CRLF3: variants seen among roughly 807,000 people sequenced by gnomAD.
CRLF3 encodes the protein cytokine receptor-like factor 3.
In CRLF3, 33 loss-of-function variants were observed where a neutral mutation model predicts 55.0. That is an observed-to-expected ratio of 0.60 (90% CI 0.46 to 0.80). CRLF3 has a LOEUF of 0.80. Ranked by LOEUF, CRLF3 falls within the 30% of genes least tolerant of loss-of-function variation. The pLI, the probability that CRLF3 is intolerant of heterozygous loss-of-function variation, is 0.00. For synonymous variants in CRLF3, 238 were observed against 196.8 expected (o/e 1.21, Z -1.75); for missense variants, 494 against 538.4 (o/e 0.92, Z 0.82).
chr17:30,813,532 A>G (rs980319923), intron 1 of CRLF3, among the ~76,000 whole-genome samples: 2 of 152,222 alleles, frequency 1.3e-5, no homozygotes, highest in African/African-American at 4.8e-5. Context: ...GTCACCTTGA[A>G]TAACAATAAT....
intron 1 of CRLF3, among the ~76,000 whole-genome samples, chr17:30,815,259 A>T (rs1904759667): frequency 6.6e-6 from 1 of 150,444 alleles, no homozygotes; most frequent in South Asian, 2.1e-4. Context: ...CTAATTTTTG[A>T]ATTTTTAGTA....
chr17:30,822,519 T>C (rs1046923665), intron 1 of CRLF3, among the ~76,000 whole-genome samples: 2 of 152,228 alleles, frequency 1.3e-5, no homozygotes, highest in African/African-American at 2.4e-5. Context: ...GATGTTCATT[T>C]AGTGTTTTCT....
At position 30,793,682 on chromosome 17, in the gene CRLF3, A is replaced by G; in HGVS notation, c.604-10T>C. On this transcript the variant is annotated splice_polypyrimidine_tract_variant and intron_variant, in intron 4 of 7. Coordinates refer to ENST00000324238, the MANE Select transcript of CRLF3 (RefSeq NM_015986.4). Reference sequence around the variant, plus strand: ...TAAAGTCATCATCCACCTAGGGAGAAAAGCTTTATGTTAGGTAAAAAACAG... The same window carrying G: ...TAAAGTCATCATCCACCTAGGGAGAGAAGCTTTATGTTAGGTAAAAAACAG... 1 of 1,590,836 alleles carries G rather than the reference A, an allele frequency of 6.3e-7. No homozygotes were observed. The highest frequency in any genetic ancestry group is 8.6e-7 in the Non-Finnish European group (1 of 1,161,450).
chr17:30,797,529 C>G (rs563472413), intron 2 of CRLF3, 131 bp from the exon 3 acceptor site: 2 of 696,860 alleles, frequency 2.9e-6, no homozygotes, highest in South Asian at 3.3e-5. Flanking sequence ...GTCAAATTCC[C>G]AAAAAGTTAA....
rs771145648 is a variant in CRLF3 at position 30,785,915 on chromosome 17, T to C, written c.1072+4A>G. Reference sequence around the variant, plus strand: ...CAAGAGAATGACAGTTATTTATCTCTTACCATTTGTACTAATGCACACAGC... The same window carrying C: ...CAAGAGAATGACAGTTATTTATCTCCTACCATTTGTACTAATGCACACAGC... On this transcript the variant is annotated splice_donor_region_variant and intron_variant, in intron 7 of 7. Coordinates refer to ENST00000324238, the MANE Select transcript of CRLF3 (RefSeq NM_015986.4). 6.8e-7 allele frequency: 1 copy of C among 1,479,114 alleles called. No homozygotes were observed. Among genetic ancestry groups the C allele is most frequent in the Non-Finnish European group, 9.4e-7 (1 of 1,061,844 alleles). The allele number at this position is 1,479,114 out of a possible 1,614,324, so 91.6% of individuals were successfully genotyped here. A position where few individuals can be genotyped will look rare whatever the true frequency, so the allele number is the denominator to read the frequency against.
At chr17:30,818,400 G>A (rs992719068) in intron 1 of CRLF3, among the ~76,000 whole-genome samples, 2 of 151,596 alleles carry the variant, frequency 1.3e-5, no homozygotes, top group Non-Finnish European at 2.9e-5. Flanking sequence ...TTCAAAATGG[G>A]TAACAGAAGG....
chr17:30,802,974 G>A (rs971293279), intron 2 of CRLF3, among the ~76,000 whole-genome samples: 10 of 151,968 alleles, frequency 6.6e-5, no homozygotes, highest in African/African-American at 1.7e-4. Context: ...AGACCAGCCT[G>A]GGCAACATGG....
rs116823338 is a variant in CRLF3 at position 30,789,278 on chromosome 17, C to T, written c.959+3162G>A. Among the ~76,000 whole-genome samples, 422 of 152,272 alleles carry T rather than the reference C, an allele frequency of 2.8e-3. 1 individual carries two copies. Among genetic ancestry groups the T allele is most frequent in the African/African-American group, 9.8e-3 (408 of 41,562 alleles). On this transcript the variant is annotated intron_variant, in intron 6 of 7. Transcript: ENST00000324238. ...GAGACCTAATGTGTCTTTCACATCA[C>T]GGTCAGCAGAGGTGAATTTAAATCA...
intron 7 of CRLF3, chr17:30,785,169 G>C (rs1487190358): frequency 2.7e-5 from 4 of 146,254 alleles, no homozygotes; most frequent in African/African-American, 7.6e-5. Context: ...TCCGCCTCCC[G>C]GGTTCAAGCG....
intron 1 of CRLF3, among the ~76,000 whole-genome samples, chr17:30,819,422 G>A (rs771648705): frequency 3.1e-4 from 47 of 152,176 alleles, no homozygotes; most frequent in Non-Finnish European, 1.5e-4. Flanking sequence ...GTGCCACTCT[G>A]TGAGGCCTGA....
chr17:30,787,181 A>G (rs1052966737), intron 6 of CRLF3, among the ~76,000 whole-genome samples: 6 of 152,302 alleles, frequency 3.9e-5, no homozygotes, highest in Non-Finnish European at 7.3e-5. Flanking sequence ...GCACACTTCT[A>G]TTTTATATTC....
chr17:30,811,008 G>T (rs988161504), intron 1 of CRLF3, among the ~76,000 whole-genome samples: 12 of 152,246 alleles, frequency 7.9e-5, no homozygotes, highest in Non-Finnish European at 1.8e-4. Flanking sequence ...AGGAACACTT[G>T]AGCCTGAGAG....
intron 2 of CRLF3, among the ~76,000 whole-genome samples, chr17:30,797,620 T>A (rs189006211): frequency 8.0e-4 from 122 of 152,254 alleles, no homozygotes; most frequent in African/African-American, 2.0e-3. Context: ...TTGCCAGAGA[T>A]GAAAAATCTA....
chr17:30,787,987 G>A (rs567193542), intron 6 of CRLF3, among the ~76,000 whole-genome samples: 1 of 151,712 alleles, frequency 6.6e-6, no homozygotes, highest in South Asian at 2.1e-4. Flanking sequence ...GCGACAGAGC[G>A]AGACCTTGTC....
chr17:30,806,476 T>G (rs1904406737), intron 1 of CRLF3, among the ~76,000 whole-genome samples: 1 of 152,114 alleles, frequency 6.6e-6, no homozygotes. Flanking sequence ...AAGGAGTGTA[T>G]GGATGGAGTT....
chr17:30,800,028 G>C (rs1971982263), intron 2 of CRLF3, among the ~76,000 whole-genome samples: 1 of 152,130 alleles, frequency 6.6e-6, no homozygotes, highest in South Asian at 2.1e-4. Context: ...GCAATGTCAA[G>C]ATAACACCCA....
chr17:30,793,686 C>CT lies in CRLF3; in HGVS notation c.604-15dup, dbSNP rs769152781. ...GTCATCATCCACCTAGGGAGAAAAGCTTTATGTTAGGTAAAAAACAGAAAA... is the reference window on the plus strand; with the variant it reads ...GTCATCATCCACCTAGGGAGAAAAGCTTTTATGTTAGGTAAAAAACAGAAAA... On this transcript the variant is annotated splice_polypyrimidine_tract_variant and intron_variant, in intron 4 of 7. Coordinates refer to ENST00000324238, the MANE Select transcript of CRLF3 (RefSeq NM_015986.4). The CT allele has an allele frequency of 6.3e-7, 1 of 1,575,720 alleles. No individual in the cohort carries two copies. The highest frequency in any genetic ancestry group is 8.7e-7 in the Non-Finnish European group (1 of 1,152,010).
intron 1 of CRLF3, among the ~76,000 whole-genome samples, chr17:30,810,450 C>T (rs116139336): frequency 0.021 from 3,159 of 152,136 alleles, 102 homozygotes; most frequent in African/African-American, 0.073. Context: ...CCTGTAGTCC[C>T]AGCTACTGGG....
Position 30,784,114 on chromosome 17 carries a change from A to C in CRLF3, c.*73T>G, listed in dbSNP as rs1214449241. The C allele has an allele frequency of 1.5e-6, 2 of 1,357,422 alleles. No individual in the cohort carries two copies. The highest frequency in any genetic ancestry group is 2.9e-5 in the African/African-American group (2 of 68,200). The allele number at this position is 1,357,422 out of a possible 1,614,324, so 84.1% of individuals were successfully genotyped here. On this transcript the variant is annotated 3_prime_UTR_variant, in exon 8 of 8. Transcript: ENST00000324238. Reference sequence around the variant, plus strand: ...AGAGATGAATTCAACTTTTTTTTTAAAGCAATTACAACTACGCTGGGCTGA... The same window carrying C: ...AGAGATGAATTCAACTTTTTTTTTACAGCAATTACAACTACGCTGGGCTGA...
Sources: gnomAD v4.1 joint callset for allele counts (sites outside exome capture counted in the v4.1 genomes callset) on GRCh38, gnomAD v4.1.1 for gene constraint, MANE v1.5 for transcripts, NCBI Gene and HGNC (gene_info 2026-07-23, HGNC 2026-07-21) for gene names.